Variants in MMP28 observed in about 807,000 individuals in gnomAD.
MMP28 encodes the protein matrix metalloproteinase-28.
In MMP28, 55 loss-of-function variants were observed where a neutral mutation model predicts 60.5. That is an observed-to-expected ratio of 0.91 (90% confidence interval 0.73 to 1.14). The LOEUF (loss-of-function observed/expected upper bound fraction) is 1.14, where lower values mean the gene tolerates loss of function less well. Ranked by LOEUF, MMP28 falls within the 50% of genes most tolerant of loss-of-function variation. The probability of loss-of-function intolerance (pLI) is 0.00; values close to 1 mark genes in which losing one functional copy is unlikely to be tolerated. For missense variants in MMP28, 686 were observed against 738.3 expected (o/e 0.93, Z 0.82); for synonymous variants, 318 against 312.5 (o/e 1.02, Z -0.18).
intron 2 of MMP28, among the ~76,000 whole-genome samples, chr17:35,757,024 C>A (rs1223865431): frequency 3.9e-5 from 6 of 151,940 alleles, no homozygotes; most frequent in African/African-American, 1.4e-4. Context: ...ATGGTGAAAT[C>A]CTGTCTCTAC....
At chr17:35,768,953 G>A (rs535603758) in intron 5 of MMP28, among the ~76,000 whole-genome samples, 4 of 152,326 alleles carry the variant, frequency 2.6e-5, no homozygotes, top group South Asian at 4.1e-4. Flanking sequence ...GGAACTAAGC[G>A]GGTCAGGGAG....
Position 35,767,907 on chromosome 17 carries a change from T to C in MMP28, c.1013A>G (p.Gln338Arg). 6.3e-7 allele frequency: 1 copy of C among 1,586,074 alleles called. No homozygotes were observed. Among genetic ancestry groups the C allele is most frequent in the Non-Finnish European group, 8.6e-7 (1 of 1,165,690 alleles). ...ATGGCTCCCTTTAAAAATGTACAGT[T>C]GCTGTTGCCTGTCTGCCCAGAGACA... ...FDAITVDRQQ[Q>R]LYIFKGSHFW... Residue 338 changes from glutamine to arginine, a missense_variant, in exon 7 of 8, where the codon CAA becomes CGA. Physicochemically the swap from Gln to Arg is conservative, Grantham distance 43. Coordinates refer to ENST00000605424, the MANE Select transcript of MMP28 (RefSeq NM_024302.5).
In MMP28 at chr17:35,770,050, A is replaced by G. The variant is rs1555604800; in HGVS notation, c.850+17T>C. 1.3e-6 allele frequency: 2 copies of G among 1,531,976 alleles called. No individual in the cohort carries two copies. The highest frequency in any genetic ancestry group is 4.1e-5 in the Admixed American group (2 of 48,396). The allele number at this position is 1,531,976 out of a possible 1,614,324, so 94.9% of individuals were successfully genotyped here. Reference sequence around the variant, plus strand: ...GCAGGAGTGGGACCAAGAGCGGGGCATGTCCCGGGGCCTCACCATACAGGC... The same window carrying G: ...GCAGGAGTGGGACCAAGAGCGGGGCGTGTCCCGGGGCCTCACCATACAGGC... On this transcript the variant is annotated intron_variant, in intron 5 of 7. Coordinates refer to ENST00000605424, the MANE Select transcript of MMP28 (RefSeq NM_024302.5).
downstream of MMP28, chr17:35,765,210 C>CAAAG (rs2085910484): frequency 6.6e-6 from 1 of 152,296 alleles, no homozygotes; most frequent in Non-Finnish European, 1.5e-5. Flanking sequence ...TATCCAAAGG[C>CAAAG]AAAGGCCCTT....
At position 35,795,358 on chromosome 17, in the gene MMP28, A is replaced by G; in HGVS notation, c.20T>C (p.Leu7Pro). The G allele has an allele frequency of 6.9e-7, 1 of 1,449,056 alleles. No individual in the cohort carries two copies. Among genetic ancestry groups the G allele is most frequent in the Non-Finnish European group, 9.1e-7 (1 of 1,103,402 alleles). 89.8% of individuals were successfully genotyped at this position (1,449,056 alleles called of 1,614,324 possible). The change falls in exon 1 of 8, where the codon CTC becomes CCC. Residue 7 changes from leucine to proline, a missense_variant. Coordinates refer to ENST00000605424, the MANE Select transcript of MMP28 (RefSeq NM_024302.5). MVARVGLLLRALQLLLW... is the reference protein window; with the variant it reads MVARVGPLLRALQLLLW... ...TAGCAGCTGCAGGGCGCGCAGCAGGAGGCCGACGCGCGCGACCATCTCGCC... is the reference window on the plus strand; with the variant it reads ...TAGCAGCTGCAGGGCGCGCAGCAGGGGGCCGACGCGCGCGACCATCTCGCC...
At chr17:35,769,964 T>C (rs2086068823) in intron 5 of MMP28, 103 bp downstream of exon 5, 4 of 1,399,200 alleles carry the variant, frequency 2.9e-6, no homozygotes, top group African/African-American at 1.5e-5. Flanking sequence ...GCCAGATCTA[T>C]GAGCTTAGGA....
At position 35,779,002 on chromosome 17, in the gene MMP28, G is replaced by T. The variant is rs751213333; in HGVS notation, c.265C>A (p.Pro89Thr). ...DRATLRQMTR[P>T]RCGVTDTNSY... ...TTGGTATCTGTAACCCCGCAGCGGG[G>T]ACGAGTCATCTGGCGCAGGGTGGCG... Residue 89 changes from proline (P) to threonine (T), a missense_variant, in exon 3 of 8, where the codon CCC becomes ACC. Pro to Thr is a conservative substitution (Grantham distance 38, BLOSUM62 -1). Coordinates refer to ENST00000605424, the MANE Select transcript of MMP28 (RefSeq NM_024302.5). The T allele has an allele frequency of 6.2e-7, 1 of 1,614,092 alleles. No homozygotes were observed. The highest frequency in any genetic ancestry group is 2.2e-5 in the East Asian group (1 of 44,892).
rs1035217182 is a variant in MMP28 at position 35,767,803 on chromosome 17, T to G, written c.1117A>C (p.Ile373Leu). 2.5e-6 allele frequency: 4 copies of G among 1,602,580 alleles called. No homozygotes were observed. In the Admixed American group the frequency reaches 6.9e-5, roughly 28 times the overall value. ...QERWVGLPPNIEAAAVSLNDG... is the reference protein window; with the variant it reads ...QERWVGLPPNLEAAAVSLNDG... ...TTCAATGACACTGCCGCAGCCTCAA[T>G]GTTGGGGGGCAGCCCGACCCATCTT... Residue 373 changes from isoleucine to leucine, a missense_variant, in exon 7 of 8, where the codon ATT becomes CTT. Coordinates refer to ENST00000605424, the MANE Select transcript of MMP28 (RefSeq NM_024302.5).
Position 35,779,260 on chromosome 17 carries a change from A to G in MMP28, c.175T>C (p.Phe59Leu), listed in dbSNP as rs1263041837. 3 of 1,612,874 alleles carry G rather than the reference A, an allele frequency of 1.9e-6. No individual in the cohort carries two copies. The highest frequency in any genetic ancestry group is 2.5e-6 in the Non-Finnish European group (3 of 1,179,572). Residue 59 changes from phenylalanine to leucine, a missense_variant, in exon 2 of 8, where the codon TTC (phenylalanine) becomes CTC (leucine). Physicochemically the swap from Phe to Leu is conservative, Grantham distance 22. Transcript: ENST00000605424. The part of the protein sequence containing the change: ...QVPKAPTSTR[F>L]SDAIRAFQWV... ...CCACCCTACCTGATGGCATCGCTGAATCGAGTGGAGGTGGGAGCTTTGGGG... is the reference window on the plus strand; with the variant it reads ...CCACCCTACCTGATGGCATCGCTGAGTCGAGTGGAGGTGGGAGCTTTGGGG...
In MMP28 at chr17:35,766,434, C is replaced by T. The variant is rs979657199; in HGVS notation, c.*66G>A. 1.4e-6 allele frequency: 2 copies of T among 1,471,248 alleles called. No homozygotes were observed. Among genetic ancestry groups the T allele is most frequent in the Non-Finnish European group, 9.0e-7 (1 of 1,110,102 alleles). 91.1% of individuals were successfully genotyped at this position (1,471,248 alleles called of 1,614,324 possible). On this transcript the variant is annotated 3_prime_UTR_variant, in exon 8 of 8. Transcript: ENST00000605424. This position sits in a 1 kb window ranked among gnomAD's most constrained non-coding sequence, Gnocchi z 4.3. Reference sequence around the variant, plus strand: ...TCAGAGGCTTCTAAGAGGGGTTCTGCCCCGGGGGTGGGGAACATGATTTTG... The same window carrying T: ...TCAGAGGCTTCTAAGAGGGGTTCTGTCCCGGGGGTGGGGAACATGATTTTG...
At chr17:35,790,523 C>T (rs760175593) in intron 1 of MMP28, among the ~76,000 whole-genome samples, 10 of 152,178 alleles carry the variant, frequency 6.6e-5, no homozygotes, top group South Asian at 2.1e-4. Flanking sequence ...AGAAGGTTTA[C>T]AGTATTGTTC....
chr17:35,780,480 C>A (rs929967522), intron 1 of MMP28, among the ~76,000 whole-genome samples: 6 of 152,198 alleles, frequency 3.9e-5, no homozygotes, highest in Non-Finnish European at 7.3e-5. Flanking sequence ...TAGAAAGCTT[C>A]TTTTATTCAT....
intron 2 of MMP28, chr17:35,760,812 G>A: frequency 9.5e-7 from 1 of 1,052,670 alleles, no homozygotes; most frequent in Admixed American, 2.0e-5. Flanking sequence ...CTTATGGGCA[G>A]GTGAGGTTCT....
intron 5 of MMP28, among the ~76,000 whole-genome samples, chr17:35,768,964 T>C (rs917878047): frequency 6.6e-6 from 1 of 151,868 alleles, no homozygotes; most frequent in Non-Finnish European, 1.5e-5. Flanking sequence ...GGTCAGGGAG[T>C]CCTCTTCTCT....
In MMP28 at chr17:35,760,821, C is replaced by G. The variant is rs1425425694; in HGVS notation, c.266-4402G>C. On this transcript the variant is annotated intron_variant, in intron 2 of 2. Transcript: ENST00000615317. ...CAGAGCCTTATGGGCAGGTGAGGTT[C>G]TAGCCCCACCCCTTGTGACCTAATA... 50 of 1,211,088 alleles carry G rather than the reference C, an allele frequency of 4.1e-5. 2 individuals are homozygous for G. The highest frequency in any genetic ancestry group is 4.8e-6 in the Non-Finnish European group (4 of 829,628). The allele number at this position is 1,211,088 out of a possible 1,614,324, so 75.0% of individuals were successfully genotyped here.
At chr17:35,793,569 G>A (rs1277796336) in intron 1 of MMP28, among the ~76,000 whole-genome samples, 1 of 152,224 alleles carries the variant, frequency 6.6e-6, no homozygotes. Context: ...CCTTGTTGAA[G>A]CAGGGTCATT....
At chr17:35,782,947 C>T (rs1027581168) in intron 1 of MMP28, among the ~76,000 whole-genome samples, 3 of 152,234 alleles carry the variant, frequency 2.0e-5, no homozygotes, top group African/African-American at 7.2e-5. Context: ...CTGCCTCAGC[C>T]TCCCGAGTAG....
At chr17:35,778,686 T>A (rs1283983810) in intron 3 of MMP28, 1 of 1,229,242 alleles carries the variant, frequency 8.1e-7, no homozygotes, top group African/African-American at 1.5e-5. Flanking sequence ...TGAAAATTCA[T>A]CAATGTAGGT....
Position 35,766,002 on chromosome 17 carries a change from G to A in MMP28, c.*498C>T, listed in dbSNP as rs1056415. ...ACAAAGGGCCTCTGAGGTTGGAGAC[G>A]CCTGTGCCTTCATCCCCATCCATGC... On this transcript the variant is annotated 3_prime_UTR_variant, in exon 8 of 8. Transcript: ENST00000605424. This position sits in a 1 kb window ranked among gnomAD's most constrained non-coding sequence, Gnocchi z 4.3. The A allele has an allele frequency of 9.1e-6, 9 of 985,424 alleles. No individual in the cohort carries two copies. The highest frequency in any genetic ancestry group is 1.1e-5 in the Non-Finnish European group (9 of 829,936). The allele number at this position is 985,424 out of a possible 1,614,324, so 61.0% of individuals were successfully genotyped here.
Sources: allele counts gnomAD v4.1 joint callset (sites outside exome capture counted in the v4.1 genomes callset), GRCh38; gene constraint gnomAD v4.1.1; non-coding constraint Gnocchi (gnomAD v3.1); transcripts MANE v1.5; gene names NCBI Gene and HGNC (gene_info 2026-07-23, HGNC 2026-07-21).